Variants in NEBL observed in about 807,000 individuals in gnomAD.
NEBL encodes LIM and SH3 protein 2.
NEBL carries 122 observed loss-of-function variants against 140.2 expected under a neutral mutation model. That is an observed-to-expected ratio of 0.87 (90% CI 0.75 to 1.01). The LOEUF is 1.01. Ranked by LOEUF, NEBL falls within the 50% of genes least tolerant of loss-of-function variation. The probability of loss-of-function intolerance (pLI) is 0.00; values close to 1 mark genes in which losing one functional copy is unlikely to be tolerated. For synonymous variants in NEBL, 436 were observed against 398.9 expected (o/e 1.09, Z -1.11); for missense variants, 1,365 against 1,231.3 (o/e 1.11, Z -1.62).
At chr10:20,844,132 A>G (rs532281071) in intron 12 of NEBL, among the ~76,000 whole-genome samples, 64 of 152,262 alleles carry the variant, frequency 4.2e-4, no homozygotes, top group African/African-American at 1.5e-3. Context: ...AGCACATTAC[A>G]TATTACAACA....
At chr10:21,082,783 G>A (rs1192635363) in intron 2 of NEBL, among the ~76,000 whole-genome samples, 18 of 15,758 alleles carry the variant, frequency 1.1e-3, no homozygotes, top group Non-Finnish European at 3.6e-3. Flanking sequence ...TTTTTTTTGA[G>A]ACAGAGTCTC....
chr10:21,128,559 G>A (rs1036466940), intron 2 of NEBL, among the ~76,000 whole-genome samples: 6 of 151,966 alleles, frequency 3.9e-5, no homozygotes, highest in Non-Finnish European at 8.8e-5. Context: ...TAAACATACA[G>A]AGCTGAAAAA....
chr10:20,921,156 A>C (rs141824968), intron 4 of NEBL, among the ~76,000 whole-genome samples: 1 of 152,174 alleles, frequency 6.6e-6, no homozygotes. Context: ...AAATGCTGAT[A>C]TTTTATTTAA....
chr10:20,829,324 A>G (rs1000105331), intron 16 of NEBL, among the ~76,000 whole-genome samples: 1 of 151,922 alleles, frequency 6.6e-6, no homozygotes, highest in Non-Finnish European at 1.5e-5. Flanking sequence ...TTCTCAGTAA[A>G]CTATTGCAAG....
chr10:21,020,288 T>C lies in NEBL; in HGVS notation c.165-87A>G. On this transcript the variant is annotated intron_variant, in intron 2 of 6. Coordinates refer to the NEBL transcript ENST00000417816. ...CACCCATTGTTTTGCACATCCCCCC[T>C]TTTCCCAACCCCATCACAGTGGAAG... is the stretch of plus-strand genomic sequence containing the variant. 1.7e-6 allele frequency: 2 copies of C among 1,155,094 alleles called. 1 individual carries two copies. Among genetic ancestry groups the C allele is most frequent in the Non-Finnish European group, 2.6e-6 (2 of 772,422 alleles). 71.6% of individuals were successfully genotyped at this position (1,155,094 alleles called of 1,614,324 possible). A position where few individuals can be genotyped will look rare whatever the true frequency, so the allele number is the denominator to read the frequency against.
intron 2 of NEBL, among the ~76,000 whole-genome samples, chr10:21,126,576 C>T (rs1176480727): frequency 1.3e-5 from 2 of 152,080 alleles, no homozygotes; most frequent in Non-Finnish European, 2.9e-5. Flanking sequence ...TAAAAGGAAT[C>T]ATAAAGACCA....
chr10:21,090,301 C>T (rs962187019), intron 2 of NEBL, among the ~76,000 whole-genome samples: 6 of 152,206 alleles, frequency 3.9e-5, no homozygotes, highest in African/African-American at 9.6e-5. Context: ...GTCAGCCCTC[C>T]GTATCCATGA....
intron 18 of NEBL, among the ~76,000 whole-genome samples, chr10:20,823,702 A>T (rs1341752848): frequency 6.6e-6 from 1 of 152,190 alleles, no homozygotes; most frequent in Non-Finnish European, 1.5e-5. Flanking sequence ...AGTCAAATTG[A>T]TTTAGCCACA....
intron 4 of NEBL, among the ~76,000 whole-genome samples, chr10:20,940,663 G>T (rs993249321): frequency 7.1e-6 from 1 of 141,318 alleles, no homozygotes; most frequent in South Asian, 2.3e-4. Flanking sequence ...TTTTTGAAAA[G>T]ATCAACAAAA....
At chr10:20,892,074 C>G (rs1847081040) in intron 2 of NEBL, among the ~76,000 whole-genome samples, 1 of 152,240 alleles carries the variant, frequency 6.6e-6, no homozygotes, top group Admixed American at 6.5e-5. Context: ...GGGTTGACAC[C>G]ATCTATTGGA....
chr10:21,041,815 G>A (rs1834279384), intron 2 of NEBL, among the ~76,000 whole-genome samples: 1 of 152,164 alleles, frequency 6.6e-6, no homozygotes, highest in Non-Finnish European at 1.5e-5. Flanking sequence ...GAAGGCGTGG[G>A]CAATTTCCAG....
chr10:20,916,330 A>G (rs1484847932), intron 4 of NEBL, among the ~76,000 whole-genome samples: 3 of 152,248 alleles, frequency 2.0e-5, no homozygotes, highest in Admixed American at 2.0e-4. Flanking sequence ...TAAAAATATA[A>G]AAACAGCTAG....
chr10:20,883,848 C>T (rs539202084), intron 4 of NEBL, among the ~76,000 whole-genome samples: 10 of 152,230 alleles, frequency 6.6e-5, no homozygotes, highest in African/African-American at 1.9e-4. Flanking sequence ...CATTTACAGC[C>T]GCTACTAAGT....
rs1439217794 is a variant in NEBL at position 20,782,638 on chromosome 10, G to A, written c.*3109C>T. 6.6e-6 allele frequency: 1 copy of A among 152,172 alleles called. No homozygotes were observed. Among genetic ancestry groups the A allele is most frequent in the Non-Finnish European group, 1.5e-5 (1 of 68,044 alleles). 9.4% of individuals were successfully genotyped at this position (152,172 alleles called of 1,614,324 possible). ...ATCCATATTCCTACAAGGTGCTTGT[G>A]GAAACTGTGCTTACAAATGCCTGTG... is the stretch of plus-strand genomic sequence containing the variant. On this transcript the variant is annotated 3_prime_UTR_variant, in exon 28 of 28. Transcript: ENST00000377122.
chr10:20,941,522 A>T (rs1834865370), intron 4 of NEBL, among the ~76,000 whole-genome samples: 1 of 152,044 alleles, frequency 6.6e-6, no homozygotes, highest in African/African-American at 2.4e-5. Context: ...GAAAACTGGC[A>T]CAAGACAGGG....
chr10:21,236,677 T>C (rs915649827), intron 3 of NEBL, among the ~76,000 whole-genome samples: 1 of 152,104 alleles, frequency 6.6e-6, no homozygotes, highest in Non-Finnish European at 1.5e-5. Flanking sequence ...AATAAAATCT[T>C]TGAAGATTTC....
At chr10:21,094,712 T>G (rs1437166769) in intron 2 of NEBL, among the ~76,000 whole-genome samples, 1 of 152,102 alleles carries the variant, frequency 6.6e-6, no homozygotes, top group Non-Finnish European at 1.5e-5. Flanking sequence ...TCTGCTCCTT[T>G]GTAAATGGGA....
chr10:20,829,177 C>CA (rs1431251946), intron 16 of NEBL, among the ~76,000 whole-genome samples: 1 of 151,948 alleles, frequency 6.6e-6, no homozygotes, highest in Non-Finnish European at 1.5e-5. Flanking sequence ...TCTCTGATTC[C>CA]AAAATCAGTG....
intron 2 of NEBL, among the ~76,000 whole-genome samples, chr10:21,147,636 C>T (rs536449067): frequency 6.6e-6 from 1 of 152,294 alleles, no homozygotes; most frequent in African/African-American, 2.4e-5. Context: ...ATATTTACCA[C>T]GGTTCAAGCC....
Sources: gnomAD v4.1 joint callset for allele counts (sites outside exome capture counted in the v4.1 genomes callset) on GRCh38, gnomAD v4.1.1 for gene constraint, MANE v1.5 for transcripts, NCBI Gene and HGNC (gene_info 2026-07-23, HGNC 2026-07-21) for gene names.